The following CPNE4 variants were observed in gnomAD, a reference collection of about 807,000 sequenced individuals.
CPNE4 encodes copine 4, also known as copine-4.
A neutral mutation model predicts 67.9 loss-of-function variants in CPNE4; 25 were observed. The observed-to-expected ratio is 0.37, with a 90% CI of 0.27 to 0.51. CPNE4 has a LOEUF of 0.51. Ranked by LOEUF, CPNE4 falls within the 20% of genes least tolerant of loss-of-function variation. The pLI is 0.93. For synonymous variants in CPNE4, 242 were observed against 244.9 expected, an observed-to-expected ratio of 0.99 and a Z score of 0.11; for missense variants, 464 against 690.8, an observed-to-expected ratio of 0.67 and a Z score of 3.68.
intron 2 of CPNE4, among the ~76,000 whole-genome samples, chr3:131,883,460 T>C (rs1041270288): frequency 2.0e-5 from 3 of 152,242 alleles, no homozygotes; most frequent in African/African-American, 7.2e-5. Flanking sequence ...TGCTTTCACC[T>C]GGACAAATGC....
At chr3:131,709,480 A>C (rs893214260) in intron 3 of CPNE4, among the ~76,000 whole-genome samples, 2 of 152,160 alleles carry the variant, frequency 1.3e-5, no homozygotes, top group African/African-American at 2.4e-5. Flanking sequence ...TCCATTGGTG[A>C]TGCAGGCTTT....
rs370180720 is a variant in CPNE4, at chr3:131,984,478, T to C, written c.-2+50089A>G. Among the ~76,000 whole-genome samples, 31 of 152,336 alleles carry C rather than the reference T, an allele frequency of 2.0e-4. No homozygotes were observed. The East Asian group carries it at 2.5e-3, about 12-fold the overall frequency. On this transcript the variant is annotated intron_variant, in intron 1 of 15. Coordinates refer to ENST00000429747, the MANE Select transcript of CPNE4 (RefSeq NM_130808.3). ...AGATGAACTAATGCTGCTTTAACTC[T>C]TCTCCCCCACCTCTATCAAAGTAGT...
chr3:131,956,938 C>T (rs920552319), intron 1 of CPNE4, among the ~76,000 whole-genome samples: 5 of 152,186 alleles, frequency 3.3e-5, no homozygotes, highest in Non-Finnish European at 5.9e-5. Context: ...AACTTGCTGA[C>T]ATTTTTGTCA....
rs569171025 is a variant in CPNE4 at position 131,835,580 on chromosome 3, A to G, written c.180+69684T>C. ...TGTTTCCTCCATTCAGAGGACTGAC[A>G]AGAAGGAGGCTTTGTAAGACAGAAG... is the stretch of plus-strand genomic sequence containing the variant. On this transcript the variant is annotated intron_variant, in intron 2 of 15. Transcript: ENST00000429747. Among the ~76,000 whole-genome samples the G allele has an allele frequency of 2.6e-5, 4 of 152,032 alleles. No homozygotes were observed. In the South Asian group the frequency reaches 8.3e-4, roughly 32 times the overall value.
chr3:131,702,651 G>A, intron 3 of CPNE4, among the ~76,000 whole-genome samples: 1 of 152,196 alleles, frequency 6.6e-6, no homozygotes, highest in East Asian at 1.9e-4. Flanking sequence ...CATTGCATTA[G>A]CAGGTGTGGG....
chr3:131,558,552 A>G (rs974788262), intron 11 of CPNE4, among the ~76,000 whole-genome samples: 2 of 151,954 alleles, frequency 1.3e-5, no homozygotes, highest in African/African-American at 4.8e-5. Context: ...AAAAAACCCT[A>G]CGTGCTTCAA....
intron 2 of CPNE4, among the ~76,000 whole-genome samples, chr3:131,857,984 T>TGCAAATAA (rs2086517739): frequency 6.6e-6 from 1 of 152,286 alleles, no homozygotes; most frequent in South Asian, 2.1e-4. Context: ...CTCTAAATTA[T>TGCAAATAA]GCAAATAAGT....
chr3:131,708,957 G>GAT (rs202119937), intron 3 of CPNE4, among the ~76,000 whole-genome samples: 2,870 of 65,566 alleles, frequency 0.044, 188 homozygotes, highest in East Asian at 0.075. Flanking sequence ...AGGGCATAAA[G>GAT]ATATATATAT....
intron 1 of CPNE4, among the ~76,000 whole-genome samples, chr3:131,946,422 A>G (rs925961708): frequency 6.6e-6 from 1 of 152,122 alleles, no homozygotes; most frequent in Non-Finnish European, 1.5e-5. Flanking sequence ...TTATTCATTC[A>G]CCTGTTGATG....
chr3:131,640,151 T>G (rs1386555542), intron 7 of CPNE4, among the ~76,000 whole-genome samples: 1 of 152,006 alleles, frequency 6.6e-6, no homozygotes, highest in East Asian at 1.9e-4. Context: ...ACTGGAAGTC[T>G]TAGCCAGAGC....
intron 2 of CPNE4, among the ~76,000 whole-genome samples, chr3:131,838,263 A>G (rs994079073): frequency 2.0e-5 from 3 of 152,014 alleles, no homozygotes; most frequent in East Asian, 1.9e-4. Context: ...ATGCAAATGG[A>G]TATTTTAAAG....
chr3:131,744,963 C>T (rs1600289), intron 2 of CPNE4, among the ~76,000 whole-genome samples: 42,547 of 151,788 alleles, frequency 0.28, 6,017 homozygotes, highest in Middle Eastern at 0.36. Context: ...TGTGCAATTG[C>T]TGAGTCGTAT....
chr3:131,900,944 T>A (rs1380659823), intron 2 of CPNE4, among the ~76,000 whole-genome samples: 1 of 152,048 alleles, frequency 6.6e-6, no homozygotes, highest in Non-Finnish European at 1.5e-5. Context: ...CCAAGAAAGA[T>A]CTCAATGATT....
chr3:131,613,608 A>T, intron 7 of CPNE4, among the ~76,000 whole-genome samples: 1 of 152,218 alleles, frequency 6.6e-6, no homozygotes, highest in East Asian at 1.9e-4. Flanking sequence ...GCAGGCAGGT[A>T]TGTGCTCTGT....
intron 7 of CPNE4, among the ~76,000 whole-genome samples, chr3:131,644,517 A>T (rs796224021): frequency 6.6e-6 from 1 of 152,298 alleles, no homozygotes; most frequent in African/African-American, 2.4e-5. Context: ...CCTTTTGAAA[A>T]ATACTACTTT....
intron 7 of CPNE4, among the ~76,000 whole-genome samples, chr3:131,645,019 G>A (rs2107614259): frequency 6.6e-6 from 1 of 152,324 alleles, no homozygotes; most frequent in Non-Finnish European, 1.5e-5. Context: ...ACTGCCAACA[G>A]AGATGCTGGA....
In CPNE4 at chr3:131,753,575, G is replaced by T. The variant is rs554443677; in HGVS notation, c.181-29950C>A. Among the ~76,000 whole-genome samples, 21 of 152,220 alleles carry T rather than the reference G, an allele frequency of 1.4e-4. No homozygotes were observed. The South Asian group carries it at 3.9e-3, about 29-fold the overall frequency. On this transcript the variant is annotated intron_variant, in intron 2 of 15. Coordinates refer to ENST00000429747, the MANE Select transcript of CPNE4 (RefSeq NM_130808.3). ...AATGTATAATAAAATGTTGAAAATT[G>T]TTAAGAGAAAGATGAACGATATAGC...
chr3:131,612,310 G>T (rs536795335), intron 7 of CPNE4, among the ~76,000 whole-genome samples: 1 of 152,106 alleles, frequency 6.6e-6, no homozygotes, highest in Admixed American at 6.5e-5. Flanking sequence ...GGAGGTGGAG[G>T]TTGCAGTGAG....
chr3:131,699,951 G>A lies in CPNE4; in HGVS notation c.390C>T (p.Ser130=), dbSNP rs1583042418. Reference sequence around the variant, plus strand: ...CTGCTGTGTTCCCATGCTTCAGCAAGGATTTGGACAGCTTTCTCTGGGAAA... The same window carrying A: ...CTGCTGTGTTCCCATGCTTCAGCAAAGATTTGGACAGCTTTCTCTGGGAAA... The part of the protein sequence containing the change: ...QIVSQRKLSK[S]LLKHGNTAGK... The change falls in exon 4 of 16, where the codon TCC becomes TCT. Residue 130 remains serine (S), a synonymous_variant. Coordinates refer to ENST00000429747, the MANE Select transcript of CPNE4 (RefSeq NM_130808.3). 3 of 1,609,856 alleles carry A rather than the reference G, an allele frequency of 1.9e-6. No homozygotes were observed. The highest frequency in any genetic ancestry group is 2.5e-6 in the Non-Finnish European group (3 of 1,177,644).
Sources: gnomAD v4.1 joint callset for allele counts (sites outside exome capture counted in the v4.1 genomes callset) on GRCh38, gnomAD v4.1.1 for gene constraint, MANE v1.5 for transcripts, NCBI Gene and HGNC (gene_info 2026-07-23, HGNC 2026-07-21) for gene names.